Variants in HEATR5A observed in about 807,000 individuals in gnomAD.
The protein encoded by HEATR5A is HEAT repeat containing 5A, also known as HEAT repeat-containing protein 5A.
A neutral mutation model predicts 218.8 loss-of-function variants in HEATR5A; 178 were observed. The observed-to-expected ratio is 0.81, with a 90% CI of 0.72 to 0.92. The LOEUF is 0.92. Among genes scored for constraint, HEATR5A ranks in the 40% least tolerant of loss-of-function variants. The probability of loss-of-function intolerance (pLI) is 0.00; values close to 1 mark genes in which losing one functional copy is unlikely to be tolerated. For synonymous variants in HEATR5A, 864 were observed against 871.6 expected (o/e 0.99, Z 0.15); for missense variants, 2,420 against 2,418.9 (o/e 1.00, Z -0.01).
intron 22 of HEATR5A, among the ~76,000 whole-genome samples, chr14:31,333,077 A>G (rs1900530037): frequency 1.3e-5 from 2 of 151,868 alleles, no homozygotes; most frequent in South Asian, 4.2e-4. Context: ...AGGCTGGGAG[A>G]GGTGAGGAAG....
intron 32 of HEATR5A, 108 bp from the exon 33 acceptor site, chr14:31,302,627 G>A (rs1484411799): frequency 1.4e-6 from 1 of 727,356 alleles, no homozygotes; most frequent in Non-Finnish European, 2.2e-6. Flanking sequence ...GTTTTTAAAA[G>A]ATGATTTCTA....
intron 26 of HEATR5A, among the ~76,000 whole-genome samples, chr14:31,316,230 T>A (rs1899907325): frequency 1.3e-5 from 2 of 151,998 alleles, no homozygotes; most frequent in African/African-American, 4.8e-5. Context: ...CACAGTGAGC[T>A]AGGATTGAGC....
chr14:31,326,676 CTT>C (rs923164705), intron 22 of HEATR5A, among the ~76,000 whole-genome samples: 6 of 152,102 alleles, frequency 3.9e-5, no homozygotes, highest in African/African-American at 1.4e-4. Flanking sequence ...GAATTTCACT[CTT>C]GTTGCCCAGG....
chr14:31,296,949 G>A (rs1595071002), intron 33 of HEATR5A: 1 of 152,262 alleles, frequency 6.6e-6, no homozygotes, highest in South Asian at 2.1e-4. Context: ...ACTATAAGCT[G>A]AGAAGCAAAG....
chr14:31,319,800 C>T (rs922642326), intron 25 of HEATR5A, among the ~76,000 whole-genome samples: 13 of 152,064 alleles, frequency 8.5e-5, no homozygotes, highest in African/African-American at 2.9e-4. Context: ...AGTCCCAGCA[C>T]GTTGGAGGTG....
At chr14:31,382,605 T>C (rs1156320749) in intron 10 of HEATR5A, among the ~76,000 whole-genome samples, 1 of 152,032 alleles carries the variant, frequency 6.6e-6, no homozygotes, top group Non-Finnish European at 1.5e-5. Flanking sequence ...CATTAAAATT[T>C]TTCTTTAGTT....
At chr14:31,398,527 A>G in intron 4 of HEATR5A, 146 bp downstream of exon 4, 1 of 553,382 alleles carries the variant, frequency 1.8e-6, no homozygotes, top group East Asian at 2.9e-5. Flanking sequence ...CATACAGTGC[A>G]TCACCTAGAA....
chr14:31,357,262 C>A (rs191886752), intron 16 of HEATR5A, among the ~76,000 whole-genome samples: 148 of 152,290 alleles, frequency 9.7e-4, no homozygotes, highest in Middle Eastern at 3.4e-3. Context: ...AATGAAAGCA[C>A]ATCATCCCAA....
chr14:31,315,080 C>T (rs952129074), intron 27 of HEATR5A, among the ~76,000 whole-genome samples: 5 of 151,970 alleles, frequency 3.3e-5, no homozygotes, highest in African/African-American at 1.2e-4. Context: ...GGTTGAGACA[C>T]GAGAATCACT....
At chr14:31,361,942 ATT>A (rs1566768220) in intron 14 of HEATR5A, among the ~76,000 whole-genome samples, 3 of 105,554 alleles carry the variant, frequency 2.8e-5, no homozygotes, top group South Asian at 2.7e-4. Context: ...AAAATCAGAA[ATT>A]TATTTATTTA....
chr14:31,315,607 C>G (rs888033099), intron 27 of HEATR5A, among the ~76,000 whole-genome samples, 163 bp downstream of exon 27: 3 of 152,218 alleles, frequency 2.0e-5, no homozygotes, highest in African/African-American at 4.8e-5. Flanking sequence ...AAATGCTTGA[C>G]TAACATATTA....
intron 9 of HEATR5A, among the ~76,000 whole-genome samples, chr14:31,385,816 G>A (rs548178843): frequency 3.3e-5 from 5 of 152,152 alleles, no homozygotes; most frequent in African/African-American, 1.2e-4. Flanking sequence ...CAACTTCCAC[G>A]TCTGGGGCTC....
At chr14:31,331,107 A>T (rs894526246) in intron 22 of HEATR5A, among the ~76,000 whole-genome samples, 2 of 151,596 alleles carry the variant, frequency 1.3e-5, no homozygotes, top group African/African-American at 4.8e-5. Context: ...CGCATGGCTA[A>T]GTTTTGTATT....
Position 31,293,964 on chromosome 14 carries a change from AGT to A in HEATR5A, c.5758_5759del (p.Thr1920CysfsTer2). The A allele has an allele frequency of 6.2e-7, 1 of 1,607,872 alleles. No homozygotes were observed. Among genetic ancestry groups the A allele is most frequent in the Non-Finnish European group, 8.5e-7 (1 of 1,176,960 alleles). ...QEIDKRKPEN[T>X]AELEIFQEGI... ...CTTCTTGGAAGATCTCAAGCTCAGC[AGT>A]GTTTTCAGGTTTTCTCTTGTCTATT... is the stretch of plus-strand genomic sequence containing the variant. On this transcript the variant is annotated frameshift_variant, in exon 35 of 36. Transcript: ENST00000543095. LOFTEE classifies it high-confidence loss of function.
At chr14:31,303,550 GATTT>G (rs950229278) in intron 32 of HEATR5A, among the ~76,000 whole-genome samples, 6 of 152,244 alleles carry the variant, frequency 3.9e-5, no homozygotes, top group Admixed American at 1.3e-4. Context: ...GAATATACAA[GATTT>G]AATTGGAAAC....
At chr14:31,334,554 A>C in intron 22 of HEATR5A, 1 of 408,334 alleles carries the variant, frequency 2.4e-6, no homozygotes, top group Non-Finnish European at 4.9e-6. Flanking sequence ...TCAAAGTTCT[A>C]CTCTAACTAA....
intron 26 of HEATR5A, 98 bp downstream of exon 26, chr14:31,318,125 CG>C: frequency 1.0e-6 from 1 of 960,158 alleles, no homozygotes; most frequent in South Asian, 1.3e-5. Context: ...CTATGATTGA[CG>C]GTAAGACAAC....
chr14:31,337,065 T>G (rs956550453), intron 22 of HEATR5A, among the ~76,000 whole-genome samples: 3 of 152,218 alleles, frequency 2.0e-5, no homozygotes, highest in Non-Finnish European at 4.4e-5. Context: ...GAAGATATGG[T>G]ATTATAATCT....
At chr14:31,383,452 C>A in intron 10 of HEATR5A, 69 bp downstream of exon 10, 1 of 1,424,858 alleles carries the variant, frequency 7.0e-7, no homozygotes, top group Non-Finnish European at 9.5e-7. Context: ...GTAACAAATT[C>A]TGTTACTATG....
Sources: gnomAD v4.1 joint callset for allele counts (sites outside exome capture counted in the v4.1 genomes callset) on GRCh38, gnomAD v4.1.1 for gene constraint, MANE v1.5 for transcripts, NCBI Gene and HGNC (gene_info 2026-07-23, HGNC 2026-07-21) for gene names.